Variants in CDH18 observed in about 807,000 individuals in gnomAD.
The protein encoded by CDH18 is cadherin-18.
CDH18 carries 31 observed loss-of-function variants against 67.9 expected under a neutral mutation model. That is an observed-to-expected ratio of 0.46 (90% CI 0.34 to 0.62). CDH18 has a LOEUF of 0.62. Ranked by LOEUF, CDH18 falls within the 20% of genes least tolerant of loss-of-function variation. The pLI, the probability that CDH18 is intolerant of heterozygous loss-of-function variation, is 0.01. For synonymous variants in CDH18, 362 were observed against 347.2 expected (o/e 1.04, Z -0.48); for missense variants, 890 against 975.5 (o/e 0.91, Z 1.17).
chr5:20,055,380 A>T (rs1462892745), intron 2 of CDH18, among the ~76,000 whole-genome samples: 1 of 152,220 alleles, frequency 6.6e-6, no homozygotes, highest in African/African-American at 2.4e-5. Context: ...CTATTCTTTC[A>T]GTTGGATAGT....
At chr5:20,297,044 C>T (rs148707561) in intron 1 of CDH18, among the ~76,000 whole-genome samples, 2,406 of 151,752 alleles carry the variant, frequency 0.016, 35 homozygotes, top group South Asian at 0.043. Context: ...TATCTATCTC[C>T]GATCTAACTA....
At chr5:20,441,670 A>G (rs1461427063) in intron 1 of CDH18, among the ~76,000 whole-genome samples, 1 of 151,950 alleles carries the variant, frequency 6.6e-6, no homozygotes, top group Non-Finnish European at 1.5e-5. Context: ...CAGTTGAGTT[A>G]TCTTAACTTT....
chr5:19,991,292 A>T (rs1284200617), upstream of CDH18, among the ~76,000 whole-genome samples: 4 of 152,284 alleles, frequency 2.6e-5, no homozygotes, highest in South Asian at 6.2e-4. Context: ...AACTGCACAA[A>T]CATGGTGCAT....
chr5:20,346,060 C>A (rs1273508892), intron 1 of CDH18, among the ~76,000 whole-genome samples: 1 of 151,996 alleles, frequency 6.6e-6, no homozygotes, highest in East Asian at 1.9e-4. Flanking sequence ...TAAATGTTTC[C>A]AACCCTTTTC....
Position 20,211,074 on chromosome 5 carries a change from A to T in CDH18, c.-518+44370T>A, listed in dbSNP as rs915339490. On this transcript the variant is annotated intron_variant, in intron 2 of 14. Transcript: ENST00000507958. ...CAGACCACCACAATAAAGCAAATGT[A>T]TCAATAAAGCCAGTGACACAAATGT... Among the ~76,000 whole-genome samples, 16 of 152,284 alleles carry T rather than the reference A, an allele frequency of 1.1e-4. No individual in the cohort carries two copies. The East Asian group carries it at 3.1e-3, about 29-fold the overall frequency.
At chr5:19,868,591 G>A (rs914314279) in intron 2 of CDH18, among the ~76,000 whole-genome samples, 1 of 152,124 alleles carries the variant, frequency 6.6e-6, no homozygotes, top group Non-Finnish European at 1.5e-5. Flanking sequence ...TGGAAAATAT[G>A]TATATCAAAT....
At chr5:19,599,151 T>A (rs1381309954) in intron 6 of CDH18, among the ~76,000 whole-genome samples, 4 of 152,086 alleles carry the variant, frequency 2.6e-5, no homozygotes, top group African/African-American at 9.6e-5. Flanking sequence ...TTTCCATATA[T>A]GTGTGTGTAT....
rs143072812 is a variant in CDH18 at position 20,514,165 on chromosome 5, T to C, written c.-580+61297A>G. 2.5e-4 allele frequency among the ~76,000 whole-genome samples: 38 copies of C among 152,280 alleles called. 1 individual carries two copies. The East Asian group carries it at 6.0e-3, about 24-fold the overall frequency. On this transcript the variant is annotated intron_variant, in intron 1 of 14. Coordinates refer to the CDH18 transcript ENST00000507958. ...GCTTGAGACTCTGATCTTAATATTC[T>C]TCCTCACTCCACCACATTTTGTTAT...
intron 2 of CDH18, among the ~76,000 whole-genome samples, chr5:20,183,823 T>C (rs1737882974): frequency 6.6e-6 from 1 of 152,092 alleles, no homozygotes; most frequent in Admixed American, 6.6e-5. Flanking sequence ...ACCAAAGAAA[T>C]GAGCAAATAA....
At chr5:20,471,749 C>A (rs997326729) in intron 1 of CDH18, among the ~76,000 whole-genome samples, 4 of 148,748 alleles carry the variant, frequency 2.7e-5, no homozygotes, top group African/African-American at 9.9e-5. Flanking sequence ...TTGCAGTGAG[C>A]CAAGATCACG....
At chr5:19,757,610 T>C (rs1455992447) in intron 3 of CDH18, among the ~76,000 whole-genome samples, 2 of 152,214 alleles carry the variant, frequency 1.3e-5, no homozygotes, top group Non-Finnish European at 2.9e-5. Flanking sequence ...TCCTCCTCAG[T>C]TGAGCTCACC....
intron 2 of CDH18, among the ~76,000 whole-genome samples, chr5:20,016,621 G>T (rs1737905249): frequency 6.6e-6 from 1 of 152,150 alleles, no homozygotes; most frequent in African/African-American, 2.4e-5. Context: ...CAGTCAGAGT[G>T]CTGGTTGAGG....
chr5:20,431,580 A>G (rs1008672279), intron 1 of CDH18, among the ~76,000 whole-genome samples: 1 of 152,136 alleles, frequency 6.6e-6, no homozygotes, highest in African/African-American at 2.4e-5. Context: ...TATTGGTTAT[A>G]CAACTAGGAA....
chr5:20,224,482 A>G (rs148725521), intron 2 of CDH18, among the ~76,000 whole-genome samples: 2,276 of 150,838 alleles, frequency 0.015, 29 homozygotes, highest in South Asian at 0.029. Context: ...GTGTGCACCA[A>G]TGAGACAGCT....
chr5:19,920,810 C>G (rs1439299709), intron 2 of CDH18, among the ~76,000 whole-genome samples: 1 of 151,740 alleles, frequency 6.6e-6, no homozygotes, highest in African/African-American at 2.4e-5. Context: ...CCGTGCCCGG[C>G]CCCATTTAAC....
chr5:19,846,085 T>C (rs1782912690), intron 2 of CDH18, among the ~76,000 whole-genome samples: 1 of 152,188 alleles, frequency 6.6e-6, no homozygotes, highest in African/African-American at 2.4e-5. Context: ...TTATCCCTGT[T>C]TTCCTCTCTT....
chr5:19,921,536 A>G (rs1458593287), intron 2 of CDH18, among the ~76,000 whole-genome samples: 1 of 152,016 alleles, frequency 6.6e-6, no homozygotes, highest in Non-Finnish European at 1.5e-5. Context: ...GTCTCAAAAA[A>G]AAAAAAAAAG....
chr5:19,503,125 A>T lies in CDH18; in HGVS notation c.1513-16T>A. On this transcript the variant is annotated splice_polypyrimidine_tract_variant and intron_variant, in intron 10 of 12. Coordinates refer to ENST00000382275, the MANE Select transcript of CDH18 (RefSeq NM_004934.5). The stretch of plus-strand genomic sequence containing the variant: ...TATGAATAACCTAAAGAAAAGACAA[A>T]CTCTAAATCGTAAATTTAATTTTGC... The T allele has an allele frequency of 7.9e-7, 1 of 1,263,160 alleles. No homozygotes were observed. Among genetic ancestry groups the T allele is most frequent in the Non-Finnish European group, 1.2e-6 (1 of 867,678 alleles). The allele number at this position is 1,263,160 out of a possible 1,614,324, so 78.2% of individuals were successfully genotyped here. A position where few individuals can be genotyped will look rare whatever the true frequency, so the allele number is the denominator to read the frequency against.
At chr5:19,868,267 C>T (rs974851196) in intron 2 of CDH18, among the ~76,000 whole-genome samples, 1 of 152,124 alleles carries the variant, frequency 6.6e-6, no homozygotes, top group Non-Finnish European at 1.5e-5. Context: ...CCCAATTTCA[C>T]CACCACCCCC....
Sources: allele counts gnomAD v4.1 joint callset (sites outside exome capture counted in the v4.1 genomes callset), GRCh38; gene constraint gnomAD v4.1.1; transcripts MANE v1.5; gene names NCBI Gene and HGNC (gene_info 2026-07-23, HGNC 2026-07-21).